The following ZBTB7C variants were observed in gnomAD, a reference collection of about 807,000 sequenced individuals.
ZBTB7C encodes zinc finger and BTB domain-containing protein 7C.
A neutral mutation model predicts 25.7 loss-of-function variants in ZBTB7C; 8 were observed. The ratio of observed to expected loss-of-function variants is 0.31; its 90% CI spans 0.18 to 0.56. The LOEUF (loss-of-function observed/expected upper bound fraction) is 0.56. Ranked by LOEUF, ZBTB7C falls within the 20% of genes least tolerant of loss-of-function variation. The pLI is 0.91. For synonymous variants in ZBTB7C, 394 were observed against 369.0 expected, an observed-to-expected ratio of 1.07 and a Z score of -0.78; for missense variants, 824 against 855.2, an observed-to-expected ratio of 0.96 and a Z score of 0.46.
intron 2 of ZBTB7C, among the ~76,000 whole-genome samples, chr18:48,237,932 T>C (rs1331525568): frequency 2.0e-5 from 3 of 152,200 alleles, no homozygotes; most frequent in East Asian, 3.8e-4. Flanking sequence ...TACAACTGCA[T>C]ACAACCAAAT....
At chr18:48,313,262 A>G (rs1463361045) in intron 2 of ZBTB7C, among the ~76,000 whole-genome samples, 3 of 152,180 alleles carry the variant, frequency 2.0e-5, no homozygotes, top group Admixed American at 6.5e-5. Context: ...TGGAAACCCT[A>G]GAGTTCGGAG....
chr18:48,372,079 C>T lies in ZBTB7C; in HGVS notation c.-303-33681G>A, dbSNP rs2047401987. Among the ~76,000 whole-genome samples, 3 of 152,200 alleles carry T rather than the reference C, an allele frequency of 2.0e-5. No homozygotes were observed. The South Asian group carries it at 6.2e-4, about 32-fold the overall frequency. Reference sequence around the variant, plus strand: ...CAGGCCCTTCACTGACCTCCCCTCACCCCAGGGCTGCTCTCCTCCCTCACT... The same window carrying T: ...CAGGCCCTTCACTGACCTCCCCTCATCCCAGGGCTGCTCTCCTCCCTCACT... On this transcript the variant is annotated intron_variant, in intron 1 of 4. Coordinates refer to ENST00000590800, the MANE Select transcript of ZBTB7C (RefSeq NM_001318841.2).
chr18:48,373,992 C>T (rs2047456202), intron 1 of ZBTB7C, among the ~76,000 whole-genome samples: 1 of 152,004 alleles, frequency 6.6e-6, no homozygotes, highest in South Asian at 2.1e-4. Flanking sequence ...CACCTCCTCC[C>T]TCCCACTCTG....
intron 1 of ZBTB7C, among the ~76,000 whole-genome samples, chr18:48,350,855 T>C (rs1225568505): frequency 6.6e-6 from 1 of 152,192 alleles, no homozygotes; most frequent in Non-Finnish European, 1.5e-5. Flanking sequence ...TGGATCCGTA[T>C]ATAAAAGCAT....
At chr18:48,367,172 GTT>G (rs1491291729) in intron 1 of ZBTB7C, among the ~76,000 whole-genome samples, 1 of 28,296 alleles carries the variant, frequency 3.5e-5, no homozygotes, top group African/African-American at 1.5e-4. Flanking sequence ...TTCTCCCCAA[GTT>G]TTATATATAT....
intron 3 of ZBTB7C, among the ~76,000 whole-genome samples, chr18:48,167,739 C>T (rs1271843620): frequency 6.6e-6 from 1 of 152,182 alleles, no homozygotes; most frequent in Non-Finnish European, 1.5e-5. Flanking sequence ...TCTGGTTACC[C>T]GAGTTTCTTG....
chr18:48,372,710 C>T (rs1222763612), intron 1 of ZBTB7C, among the ~76,000 whole-genome samples: 1 of 152,130 alleles, frequency 6.6e-6, no homozygotes, highest in African/African-American at 2.4e-5. Context: ...GCCCAGCCTC[C>T]CTCTCTGGAC....
At chr18:48,265,299 T>C (rs978052508) in intron 2 of ZBTB7C, among the ~76,000 whole-genome samples, 3 of 152,230 alleles carry the variant, frequency 2.0e-5, no homozygotes, top group African/African-American at 7.2e-5. Context: ...TGAAGTCTCT[T>C]TTCTCTTATT....
chr18:48,145,961 C>T (rs775163405), intron 3 of ZBTB7C, among the ~76,000 whole-genome samples: 1 of 152,122 alleles, frequency 6.6e-6, no homozygotes, highest in Non-Finnish European at 1.5e-5. Context: ...TTTAATATTG[C>T]TGGTTTAATA....
At chr18:48,345,374 G>T (rs2046703617) in intron 1 of ZBTB7C, among the ~76,000 whole-genome samples, 1 of 152,126 alleles carries the variant, frequency 6.6e-6, no homozygotes, top group African/African-American at 2.4e-5. Flanking sequence ...CTATTTCAGG[G>T]CTATCAGCTA....
intron 3 of ZBTB7C, among the ~76,000 whole-genome samples, chr18:48,137,801 A>G (rs373766052): frequency 6.6e-6 from 1 of 152,228 alleles, no homozygotes; most frequent in Non-Finnish European, 1.5e-5. Context: ...AGAAATGCCA[A>G]CTGGAGATTC....
intron 3 of ZBTB7C, among the ~76,000 whole-genome samples, chr18:48,061,390 C>T (rs889154167): frequency 3.9e-5 from 6 of 152,148 alleles, no homozygotes; most frequent in South Asian, 2.1e-4. Flanking sequence ...TGCTTGGCCT[C>T]GTCTTTCCTT....
intron 1 of ZBTB7C, among the ~76,000 whole-genome samples, chr18:48,377,711 A>G (rs1358428127): frequency 1.3e-5 from 2 of 152,246 alleles, no homozygotes; most frequent in Non-Finnish European, 2.9e-5. Flanking sequence ...TGGAGATCAG[A>G]TAGACAAGTG....
At chr18:48,095,438 C>CATGCCACCCATGTAACTAATGTAACTA (rs2038582550) in intron 3 of ZBTB7C, among the ~76,000 whole-genome samples, 2 of 152,314 alleles carry the variant, frequency 1.3e-5, no homozygotes, top group South Asian at 4.1e-4. Context: ...CACGGTGGCT[C>CATGCCACCCATGTAACTAATGTAACTA]ATGCCACCCA....
chr18:48,294,603 C>T (rs2045335183), intron 2 of ZBTB7C, among the ~76,000 whole-genome samples: 1 of 151,932 alleles, frequency 6.6e-6, no homozygotes, highest in South Asian at 2.1e-4. Flanking sequence ...ACCTGGCGCT[C>T]AGCTGCCCTC....
At chr18:48,245,103 TACACACACAC>T (rs1555723399) in intron 2 of ZBTB7C, among the ~76,000 whole-genome samples, 42 of 144,582 alleles carry the variant, frequency 2.9e-4, no homozygotes, top group African/African-American at 1.1e-3. Flanking sequence ...TATATATATA[TACACACACAC>T]ACACACACAC....
chr18:48,247,851 A>G (rs1944583), intron 2 of ZBTB7C, among the ~76,000 whole-genome samples: 151,269 of 152,288 alleles, frequency 0.99, 75,133 homozygotes, highest in Middle Eastern at 1. Context: ...CTCACCTGCC[A>G]CCCCCCTGCG....
chr18:48,104,314 G>C (rs189509367), intron 3 of ZBTB7C, among the ~76,000 whole-genome samples: 41 of 152,136 alleles, frequency 2.7e-4, no homozygotes, highest in African/African-American at 9.4e-4. Context: ...TCTCTCTCCT[G>C]CTTCCTTCCT....
At chr18:48,259,407 C>G (rs2044107711) in intron 2 of ZBTB7C, among the ~76,000 whole-genome samples, 2 of 145,400 alleles carry the variant, frequency 1.4e-5, no homozygotes, top group South Asian at 4.5e-4. Context: ...GGACCACTGT[C>G]CTTAATGTAA....
Sources: allele counts gnomAD v4.1 joint callset (sites outside exome capture counted in the v4.1 genomes callset), GRCh38; gene constraint gnomAD v4.1.1; transcripts MANE v1.5; gene names NCBI Gene and HGNC (gene_info 2026-07-23, HGNC 2026-07-21).